Variants in PRMT8 observed in about 807,000 individuals in gnomAD.
The protein encoded by PRMT8 is protein arginine N-methyltransferase 8.
Under a neutral mutation model 47.1 loss-of-function variants are expected in PRMT8, and 7 were observed. The ratio of observed to expected loss-of-function variants is 0.15; its 90% CI spans 0.08 to 0.28. PRMT8 has a LOEUF of 0.28. Ranked by LOEUF, PRMT8 falls within the 10% of genes least tolerant of loss-of-function variation. The probability of loss-of-function intolerance (pLI) is 1.00; values close to 1 mark genes in which losing one functional copy is unlikely to be tolerated. For missense variants in PRMT8, 237 were observed against 505.4 expected (o/e 0.47, Z 5.09); for synonymous variants, 188 against 186.5 (o/e 1.01, Z -0.07).
chr12:3,591,608 G>T lies in PRMT8; in HGVS notation c.980-623G>T, dbSNP rs114867694. On this transcript the variant is annotated intron_variant, in intron 8 of 9. Transcript: ENST00000382622. Reference sequence around the variant, plus strand: ...GTTTTCTCATTATGTTGCCCAGGCTGGTCTTGAACTCCTGGGCTCAACCAG... The same window carrying T: ...GTTTTCTCATTATGTTGCCCAGGCTTGTCTTGAACTCCTGGGCTCAACCAG... Among the ~76,000 whole-genome samples the T allele has an allele frequency of 5.2e-3, 792 of 152,066 alleles. 8 individuals are homozygous for T. The highest frequency in any genetic ancestry group is 0.018 in the African/African-American group (756 of 41,482).
Position 3,397,120 on chromosome 12 carries a change from T to G in PRMT8, c.48+15678T>G, listed in dbSNP as rs199963025. ...ATTCTAGTTATACATTCTTCTAAAT[T>G]TTTTTCAAAGTTTTCAACTTCTTTG... On this transcript the variant is annotated intron_variant, in intron 1 of 9. Coordinates refer to the PRMT8 transcript ENST00000452611. Among the ~76,000 whole-genome samples, 121 of 151,868 alleles carry G rather than the reference T, an allele frequency of 8.0e-4. 1 individual carries two copies. The East Asian group carries it at 0.023, about 28-fold the overall frequency.
intron 1 of PRMT8, among the ~76,000 whole-genome samples, chr12:3,388,856 T>C (rs568269301): frequency 2.6e-5 from 4 of 152,318 alleles, no homozygotes; most frequent in African/African-American, 9.6e-5. Context: ...TCAAGTCTCT[T>C]CCCTCTTATT....
At chr12:3,416,219 G>A (rs1236156111) in intron 1 of PRMT8, among the ~76,000 whole-genome samples, 2 of 152,120 alleles carry the variant, frequency 1.3e-5, no homozygotes, top group Admixed American at 1.3e-4. Flanking sequence ...TGACCTTACT[G>A]CCCCTAAATA....
chr12:3,475,298 A>C (rs1217641117), intron 1 of PRMT8, among the ~76,000 whole-genome samples: 1 of 152,230 alleles, frequency 6.6e-6, no homozygotes, highest in Non-Finnish European at 1.5e-5. Context: ...GGCAGAAAAA[A>C]GTCCCACAGG....
At chr12:3,466,381 A>G (rs1445346741) in intron 1 of PRMT8, among the ~76,000 whole-genome samples, 1 of 152,194 alleles carries the variant, frequency 6.6e-6, no homozygotes, top group East Asian at 1.9e-4. Context: ...GCTTTTGTTC[A>G]GAACCCCGGC....
chr12:3,565,361 C>T (rs1275943385), intron 4 of PRMT8, among the ~76,000 whole-genome samples: 2 of 151,980 alleles, frequency 1.3e-5, no homozygotes, highest in African/African-American at 4.8e-5. Context: ...TTTTAGGATT[C>T]CAGCATAAAG....
intron 4 of PRMT8, 28 bp downstream of exon 4, chr12:3,553,742 C>A (rs1430833800): frequency 1.3e-6 from 2 of 1,546,352 alleles, no homozygotes; most frequent in Non-Finnish European, 1.8e-6. Context: ...GTGTTTTCTC[C>A]TGGATGGAGG....
intron 1 of PRMT8, among the ~76,000 whole-genome samples, chr12:3,540,171 C>G (rs2137163893): frequency 6.6e-6 from 1 of 152,260 alleles, no homozygotes; most frequent in Non-Finnish European, 1.5e-5. Flanking sequence ...TAAGTTTGCC[C>G]AAAGTTGTAT....
chr12:3,577,733 C>A (rs1866974157), intron 7 of PRMT8, among the ~76,000 whole-genome samples: 1 of 152,002 alleles, frequency 6.6e-6, no homozygotes, highest in Non-Finnish European at 1.5e-5. Context: ...ATGTGTGGCC[C>A]AAGACAGTTC....
intron 1 of PRMT8, among the ~76,000 whole-genome samples, chr12:3,401,943 C>G (rs954194501): frequency 6.6e-6 from 1 of 152,138 alleles, no homozygotes; most frequent in Non-Finnish European, 1.5e-5. Flanking sequence ...TCCCATTAAA[C>G]TACCATTGAC....
In PRMT8 at chr12:3,538,662, G is replaced by A. The variant is rs370062295; in HGVS notation, c.76-1944G>A. ...CTCCTTCACATATTTAAATGGAGTCGATATTGGGGTCAGCTTCATGCACGG... is the reference window on the plus strand; with the variant it reads ...CTCCTTCACATATTTAAATGGAGTCAATATTGGGGTCAGCTTCATGCACGG... On this transcript the variant is annotated intron_variant, in intron 1 of 9. Transcript: ENST00000382622. This position sits in a 1 kb window ranked among gnomAD's most constrained non-coding sequence, Gnocchi z 4.6. 3 of 518,892 alleles carry A rather than the reference G, an allele frequency of 5.8e-6. No homozygotes were observed. Among genetic ancestry groups the A allele is most frequent in the South Asian group, 1.4e-5 (1 of 71,600 alleles). The allele number at this position is 518,892 out of a possible 1,614,324, so 32.1% of individuals were successfully genotyped here.
At chr12:3,484,094 C>T (rs955127372) in intron 1 of PRMT8, among the ~76,000 whole-genome samples, 2 of 152,150 alleles carry the variant, frequency 1.3e-5, no homozygotes, top group African/African-American at 4.8e-5. Flanking sequence ...ACTTACAGGC[C>T]TCCTTTGTAA....
At chr12:3,455,388 G>C (rs1864963534) in intron 1 of PRMT8, among the ~76,000 whole-genome samples, 2 of 152,162 alleles carry the variant, frequency 1.3e-5, no homozygotes. Context: ...AAGGCAAGAG[G>C]GGAAGAGAAC....
At chr12:3,482,125 G>GA (rs1477028261) in intron 1 of PRMT8, among the ~76,000 whole-genome samples, 2 of 152,192 alleles carry the variant, frequency 1.3e-5, no homozygotes, top group Non-Finnish European at 2.9e-5. Context: ...ACTCTGACTT[G>GA]AATCTTCCAG....
intron 1 of PRMT8, among the ~76,000 whole-genome samples, chr12:3,528,999 G>A (rs1215567632): frequency 6.6e-6 from 1 of 152,176 alleles, no homozygotes; most frequent in African/African-American, 2.4e-5. Context: ...AGAAGTCCCT[G>A]TGTCTTTTCA....
chr12:3,491,623 C>T lies in PRMT8; in HGVS notation c.-3C>T. On this transcript the variant is annotated 5_prime_UTR_variant, in exon 1 of 10. Transcript: ENST00000382622. ...CGGTATCACCAAACCCTTGCCGGCT[C>T]TTATGGGCATGAAACACTCCTCCCG... The T allele has an allele frequency of 6.2e-7, 1 of 1,612,652 alleles. No individual in the cohort carries two copies. Among genetic ancestry groups the T allele is most frequent in the Non-Finnish European group, 8.5e-7 (1 of 1,179,734 alleles).
chr12:3,420,938 G>A (rs1284922024), intron 1 of PRMT8, among the ~76,000 whole-genome samples: 2 of 152,222 alleles, frequency 1.3e-5, no homozygotes, highest in Non-Finnish European at 2.9e-5. Flanking sequence ...GCCCTGGGAC[G>A]GGGAGCACAG....
At chr12:3,567,844 C>T (rs538578151) in intron 4 of PRMT8, among the ~76,000 whole-genome samples, 54 of 152,140 alleles carry the variant, frequency 3.5e-4, no homozygotes, top group East Asian at 3.9e-4. Flanking sequence ...GAGGCCGAGG[C>T]GGGTAGATCA....
In PRMT8 at chr12:3,585,964, C is replaced by G. The variant is rs185678273; in HGVS notation, c.979+2756C>G. ...AAGGATGAAGTCATAGGAGCTGGCT[C>G]TGCCTATTCCATCACCAGGATGATG... On this transcript the variant is annotated intron_variant, in intron 8 of 9. Coordinates refer to ENST00000382622, the MANE Select transcript of PRMT8 (RefSeq NM_019854.5). 2.9e-4 allele frequency among the ~76,000 whole-genome samples: 44 copies of G among 152,286 alleles called. No homozygotes were observed. In the East Asian group the frequency reaches 6.4e-3, roughly 22 times the overall value.
Sources: allele counts gnomAD v4.1 joint callset (sites outside exome capture counted in the v4.1 genomes callset), GRCh38; gene constraint gnomAD v4.1.1; non-coding constraint Gnocchi (gnomAD v3.1); transcripts MANE v1.5; gene names NCBI Gene and HGNC (gene_info 2026-07-23, HGNC 2026-07-21).